FSHR: variants seen among roughly 807,000 people sequenced by gnomAD.
FSHR encodes follicle stimulating hormone receptor, also known as follicle-stimulating hormone receptor.
Under a neutral mutation model 52.1 loss-of-function variants are expected in FSHR, and 46 were observed. That is an observed-to-expected ratio of 0.88 (90% CI 0.70 to 1.13). The LOEUF (loss-of-function observed/expected upper bound fraction) is 1.13. FSHR is among the 50% of genes most tolerant of loss of function. The pLI is 0.00. For missense variants in FSHR, 964 were observed against 834.6 expected, an observed-to-expected ratio of 1.16 and a Z score of -1.91; for synonymous variants, 399 against 309.6, an observed-to-expected ratio of 1.29 and a Z score of -3.03.
Position 49,133,091 on chromosome 2 carries a change from C to T in FSHR, c.152+21175G>A, listed in dbSNP as rs1002285827. On this transcript the variant is annotated intron_variant, in intron 1 of 9. Transcript: ENST00000406846. The stretch of plus-strand genomic sequence containing the variant: ...CACTCCAGACTGCTGCAGTAAAGAA[C>T]ACAGAGTTCCCTCTTCCCTAGCTCC... 2.7e-5 allele frequency among the ~76,000 whole-genome samples: 4 copies of T among 150,822 alleles called. No individual in the cohort carries two copies. The Admixed American group carries it at 2.7e-4, about 10-fold the overall frequency.
chr2:49,012,186 C>A (rs1667301210), intron 4 of FSHR, among the ~76,000 whole-genome samples: 2 of 152,234 alleles, frequency 1.3e-5, no homozygotes, highest in African/African-American at 4.8e-5. Flanking sequence ...AAACATCCAG[C>A]TGCCTGAGAA....
intron 4 of FSHR, among the ~76,000 whole-genome samples, chr2:49,013,157 G>T (rs1051483004): frequency 1.4e-5 from 2 of 145,818 alleles, no homozygotes; most frequent in African/African-American, 2.6e-5. Flanking sequence ...CTCACTCTTG[G>T]TACTATTTGA....
chr2:49,001,743 A>G (rs1409545283), intron 4 of FSHR, among the ~76,000 whole-genome samples: 2 of 152,150 alleles, frequency 1.3e-5, no homozygotes, highest in Non-Finnish European at 1.5e-5. Flanking sequence ...TTGTGTTCTG[A>G]GCACTGGGCA....
intron 1 of FSHR, among the ~76,000 whole-genome samples, chr2:49,103,917 C>T (rs1671129224): frequency 6.6e-6 from 1 of 150,918 alleles, no homozygotes. Context: ...CCTTGCTGCC[C>T]CATTGGTTTT....
intron 1 of FSHR, among the ~76,000 whole-genome samples, chr2:49,113,995 G>C (rs1452787427): frequency 6.6e-6 from 1 of 152,110 alleles, no homozygotes. Flanking sequence ...AGTTTATCAA[G>C]AGCTCATTTT....
At chr2:49,085,937 G>A (rs1011963820) in intron 1 of FSHR, among the ~76,000 whole-genome samples, 10 of 151,242 alleles carry the variant, frequency 6.6e-5, no homozygotes, top group African/African-American at 2.4e-4. Context: ...ACACAGGGAG[G>A]GGAACATCAC....
chr2:49,068,191 TTCAC>T, intron 2 of FSHR, 24 bp downstream of exon 2: 1 of 1,578,750 alleles, frequency 6.3e-7, no homozygotes. Context: ...CCTTGAGGCA[TTCAC>T]TCACAGCAGT....
chr2:49,006,914 T>G (rs1229740808), intron 4 of FSHR, among the ~76,000 whole-genome samples: 1 of 152,146 alleles, frequency 6.6e-6, no homozygotes, highest in Non-Finnish European at 1.5e-5. Flanking sequence ...CACCTGACAT[T>G]ATCCAACATT....
intron 1 of FSHR, among the ~76,000 whole-genome samples, chr2:49,142,993 A>C (rs923815270): frequency 1.3e-5 from 2 of 152,158 alleles, no homozygotes; most frequent in Non-Finnish European, 2.9e-5. Flanking sequence ...AGTCAAGTGG[A>C]GAAGTCAAGG....
chr2:49,063,772 T>C (rs1669402169), intron 2 of FSHR, among the ~76,000 whole-genome samples: 1 of 152,156 alleles, frequency 6.6e-6, no homozygotes. Flanking sequence ...GTAGGGCAAC[T>C]ATAATTAACA....
At chr2:49,098,800 TATA>T (rs1196172963) in intron 1 of FSHR, among the ~76,000 whole-genome samples, 4 of 147,016 alleles carry the variant, frequency 2.7e-5, no homozygotes, top group South Asian at 2.1e-4. Flanking sequence ...AATATATATT[TATA>T]ATATGTATAC....
Position 49,127,902 on chromosome 2 carries a change from T to TCTTCTTC in FSHR, c.152+26363_152+26364insGAAGAAG. Reference sequence around the variant, plus strand: ...CTTCTTCTTCTTCTTCTTCTTCTTTTTTTTTTTTGAGACGGAGTCTTACTC... The same window carrying TCTTCTTC: ...CTTCTTCTTCTTCTTCTTCTTCTTTTCTTCTTCTTTTTTTTGAGACGGAGTCTTACTC... On this transcript the variant is annotated intron_variant, in intron 1 of 9. Coordinates refer to ENST00000406846, the MANE Select transcript of FSHR (RefSeq NM_000145.4). Among the ~76,000 whole-genome samples, 54 of 132,676 alleles carry TCTTCTTC rather than the reference T, an allele frequency of 4.1e-4. 2 individuals are homozygous for TCTTCTTC. Among genetic ancestry groups the TCTTCTTC allele is most frequent in the African/African-American group, 1.7e-3 (54 of 32,550 alleles). 87.0% of individuals were successfully genotyped at this position (132,676 alleles called of 152,430 possible).
In FSHR at chr2:48,997,248, C is replaced by T. The variant is rs114573531; in HGVS notation, c.375-6611G>A. On this transcript the variant is annotated intron_variant, in intron 4 of 9. Coordinates refer to ENST00000406846, the MANE Select transcript of FSHR (RefSeq NM_000145.4). ...GAAATTATGTGAGACAGTAGGAAAGCCTGGTTTCTTGCCTTTTCGATCTCA... is the reference window on the plus strand; with the variant it reads ...GAAATTATGTGAGACAGTAGGAAAGTCTGGTTTCTTGCCTTTTCGATCTCA... 4,860 of 984,100 alleles carry T rather than the reference C, an allele frequency of 4.9e-3. 17 individuals carry two copies. Among genetic ancestry groups the T allele is most frequent in the South Asian group, 0.01 (218 of 21,220 alleles). 61.0% of individuals were successfully genotyped at this position (984,100 alleles called of 1,614,324 possible).
chr2:49,114,568 C>A (rs1219276804), intron 1 of FSHR, among the ~76,000 whole-genome samples: 1 of 152,150 alleles, frequency 6.6e-6, no homozygotes, highest in Non-Finnish European at 1.5e-5. Context: ...GTTTCTGAAT[C>A]TTAGTTGCCT....
chr2:48,981,913 G>GCAGGCTACATAAGGAT (rs1403675669), intron 8 of FSHR, among the ~76,000 whole-genome samples: 2 of 152,140 alleles, frequency 1.3e-5, no homozygotes, highest in East Asian at 3.9e-4. Context: ...TTGACTTAAG[G>GCAGGCTACATAAGGAT]CAGGCTACAT....
intron 4 of FSHR, among the ~76,000 whole-genome samples, chr2:49,002,947 G>A (rs1264029714): frequency 6.6e-6 from 1 of 152,120 alleles, no homozygotes; most frequent in Non-Finnish European, 1.5e-5. Context: ...GATGATCATT[G>A]TGAGGGAGGT....
chr2:49,127,650 C>A (rs1158390652), intron 1 of FSHR, among the ~76,000 whole-genome samples: 1 of 152,100 alleles, frequency 6.6e-6, no homozygotes, highest in African/African-American at 2.4e-5. Context: ...TACACACTCT[C>A]ATCTTGCCAA....
At chr2:49,142,267 T>C (rs1057495652) in intron 1 of FSHR, among the ~76,000 whole-genome samples, 4 of 152,204 alleles carry the variant, frequency 2.6e-5, no homozygotes, top group Admixed American at 6.5e-5. Flanking sequence ...TGTGCTATTA[T>C]AGTGGAGTGG....
Position 48,962,743 on chromosome 2 carries a change from G to C in FSHR, c.2078C>G (p.Ala693Gly). The C allele has an allele frequency of 6.2e-7, 1 of 1,613,688 alleles. No individual in the cohort carries two copies. The highest frequency in any genetic ancestry group is 8.5e-7 in the Non-Finnish European group (1 of 1,179,646). Residue 693 changes from alanine to glycine, a missense_variant, in exon 10 of 10, where the codon GCC becomes GGC. Physicochemically the swap from Ala to Gly is moderately conservative, Grantham distance 60. Transcript: ENST00000406846. Reference sequence around the variant, plus strand: ...TTTTCACATTGTGTTTTAGTTTTGGGCTAAATGACTTAGAGGGACAAGTAT... The same window carrying C: ...TTTTCACATTGTGTTTTAGTTTTGGCCTAAATGACTTAGAGGGACAAGTAT... ...TYILVPLSHL[A>G]QN
Sources: gnomAD v4.1 joint callset for allele counts (sites outside exome capture counted in the v4.1 genomes callset) on GRCh38, gnomAD v4.1.1 for gene constraint, MANE v1.5 for transcripts, NCBI Gene and HGNC (gene_info 2026-07-23, HGNC 2026-07-21) for gene names.